Variants in MRRF observed in about 807,000 individuals in gnomAD.
MRRF encodes the protein mitochondrial ribosome recycling factor.
In MRRF, 18 loss-of-function variants were observed where a neutral mutation model predicts 25.1. The observed-to-expected ratio is 0.72, with a 90% confidence interval of 0.50 to 1.06. The LOEUF (loss-of-function observed/expected upper bound fraction) is 1.06, where lower values mean the gene tolerates loss of function less well. MRRF is among the 50% of genes least tolerant of loss of function. MRRF has a pLI of 0.00. For synonymous variants in MRRF, 113 were observed against 112.1 expected (o/e 1.01, Z -0.05); for missense variants, 323 against 319.3 (o/e 1.01, Z -0.09).
chr9:122,290,067 AAAAAAG>A (rs944367795), intron 4 of MRRF, among the ~76,000 whole-genome samples: 3 of 151,732 alleles, frequency 2.0e-5, no homozygotes, highest in Non-Finnish European at 2.9e-5. Context: ...AAAAAAAAAG[AAAAAAG>A]AAAAAGAAAA....
chr9:122,266,009 G>C (rs1403160749), intron 1 of MRRF, among the ~76,000 whole-genome samples: 1 of 152,230 alleles, frequency 6.6e-6, no homozygotes, highest in Non-Finnish European at 1.5e-5. Context: ...ACGCTGGGAA[G>C]CCCAGAACCT....
intron 1 of MRRF, among the ~76,000 whole-genome samples, chr9:122,267,819 TATAA>T (rs1473444509): frequency 1.3e-5 from 2 of 152,248 alleles, no homozygotes; most frequent in Non-Finnish European, 2.9e-5. Flanking sequence ...GTCATTGTTA[TATAA>T]ATGTTAGGTA....
chr9:122,319,232 G>A (rs1213390774), intron 6 of MRRF, among the ~76,000 whole-genome samples: 1 of 147,912 alleles, frequency 6.8e-6, no homozygotes, highest in Admixed American at 6.8e-5. Context: ...CTCAGTGCAA[G>A]CTCTGCCTCC....
chr9:122,267,386 A>G (rs1289946951), intron 1 of MRRF, among the ~76,000 whole-genome samples: 1 of 151,926 alleles, frequency 6.6e-6, no homozygotes, highest in Non-Finnish European at 1.5e-5. Flanking sequence ...GTCTCAAAAA[A>G]AAAAAAAAAA....
Position 122,264,940 on chromosome 9 carries a change from T to G in MRRF, c.-29+2T>G, listed in dbSNP as rs1005243303. Reference sequence around the variant, plus strand: ...CCTTAGTAACCTGGGCGATAGCTGGTGAGTGTCCTTGACAGGGCCTCGAGG... The same window carrying G: ...CCTTAGTAACCTGGGCGATAGCTGGGGAGTGTCCTTGACAGGGCCTCGAGG... On this transcript the variant is annotated splice_donor_variant, in intron 1 of 6. Coordinates refer to ENST00000344641, the MANE Select transcript of MRRF (RefSeq NM_138777.5). LOFTEE classifies it low-confidence loss of function (5UTR_SPLICE). The G allele has an allele frequency of 6.5e-6, 1 of 153,130 alleles. No homozygotes were observed. Among genetic ancestry groups the G allele is most frequent in the Non-Finnish European group, 1.5e-5 (1 of 68,126 alleles). 9.5% of individuals were successfully genotyped at this position (153,130 alleles called of 1,614,324 possible).
chr9:122,301,090 T>C (rs1834421976), intron 5 of MRRF, among the ~76,000 whole-genome samples: 1 of 152,190 alleles, frequency 6.6e-6, no homozygotes, highest in African/African-American at 2.4e-5. Context: ...GACTAGGCTC[T>C]TTCCCCCAGA....
At chr9:122,288,077 A>C (rs1320984403) in intron 4 of MRRF, among the ~76,000 whole-genome samples, 1 of 152,204 alleles carries the variant, frequency 6.6e-6, no homozygotes, top group East Asian at 1.9e-4. Flanking sequence ...GAATGCATTG[A>C]AGACAGAAAA....
intron 2 of MRRF, among the ~76,000 whole-genome samples, chr9:122,275,507 C>T (rs553206328): frequency 3.3e-5 from 5 of 152,182 alleles, no homozygotes; most frequent in South Asian, 2.1e-4. Flanking sequence ...TGGTGGCATG[C>T]GCCTGTAGTC....
At chr9:122,298,265 T>G (rs530537449) in intron 5 of MRRF, among the ~76,000 whole-genome samples, 1 of 152,348 alleles carries the variant, frequency 6.6e-6, no homozygotes, top group South Asian at 2.1e-4. Flanking sequence ...TAACCCAAAC[T>G]ATGTGGAACA....
intron 2 of MRRF, among the ~76,000 whole-genome samples, chr9:122,272,767 A>G (rs1832540707): frequency 6.6e-6 from 1 of 151,988 alleles, no homozygotes. Flanking sequence ...TCCTTTATTA[A>G]TTGTGTCTTC....
intron 6 of MRRF, among the ~76,000 whole-genome samples, chr9:122,315,297 G>A (rs539155075): frequency 6.6e-4 from 100 of 152,290 alleles, no homozygotes; most frequent in African/African-American, 2.3e-3. Flanking sequence ...CAGCTGGAAT[G>A]TATAGTTTTA....
chr9:122,288,471 G>T (rs1369031745), intron 4 of MRRF, among the ~76,000 whole-genome samples: 1 of 152,228 alleles, frequency 6.6e-6, no homozygotes, highest in African/African-American at 2.4e-5. Flanking sequence ...GGTTTACACT[G>T]TTGTGACAGA....
chr9:122,286,713 TTAAA>T (rs1292570224), intron 4 of MRRF, among the ~76,000 whole-genome samples: 5 of 152,106 alleles, frequency 3.3e-5, no homozygotes, highest in African/African-American at 1.2e-4. Flanking sequence ...ACCTTGTATC[TTAAA>T]TAAACAAGGA....
intron 1 of MRRF, chr9:122,265,413 C>G (rs1832005328): frequency 3.8e-6 from 1 of 265,240 alleles, no homozygotes; most frequent in African/African-American, 2.3e-5. Context: ...AGTAGCCCTT[C>G]TCCATTTACT....
intron 4 of MRRF, among the ~76,000 whole-genome samples, chr9:122,287,494 G>A (rs1296055960): frequency 6.6e-6 from 1 of 152,118 alleles, no homozygotes; most frequent in Non-Finnish European, 1.5e-5. Context: ...CGTAGGCACT[G>A]TGGGCCAATT....
At position 122,313,240 on chromosome 9, in the gene MRRF, C is replaced by G. The variant is rs895200895; in HGVS notation, c.565C>G (p.His189Asp). ...RVPIPQVTRE[H>D]REMLVKLAKQ... Reference sequence around the variant, plus strand: ...GTCTTTTATCAGAGTAACCAGAGAGCACAGAGAAATGCTGGTGAAACTGGC... The same window carrying G: ...GTCTTTTATCAGAGTAACCAGAGAGGACAGAGAAATGCTGGTGAAACTGGC... The change falls in exon 6 of 7, where the codon CAC becomes GAC. Residue 189 changes from histidine (H) to aspartate (D), a missense_variant. Transcript: ENST00000344641. 8 of 1,613,828 alleles carry G rather than the reference C, an allele frequency of 5.0e-6. No individual in the cohort carries two copies. The African/African-American group carries it at 9.3e-5, about 19-fold the overall frequency.
intron 5 of MRRF, among the ~76,000 whole-genome samples, chr9:122,298,495 G>C (rs1404569884): frequency 6.6e-6 from 1 of 152,184 alleles, no homozygotes; most frequent in Non-Finnish European, 1.5e-5. Context: ...AATCAACACA[G>C]AGTAGTTCAG....
intron 6 of MRRF, 44 bp downstream of exon 6, chr9:122,313,430 A>G (rs1442868607): frequency 6.2e-7 from 1 of 1,601,052 alleles, no homozygotes; most frequent in Non-Finnish European, 8.6e-7. Context: ...ATTCAGCATA[A>G]GGAATCATTT....
chr9:122,314,548 C>G (rs2118976349), intron 6 of MRRF, among the ~76,000 whole-genome samples: 1 of 152,324 alleles, frequency 6.6e-6, no homozygotes, highest in Non-Finnish European at 1.5e-5. Context: ...ATCCAGGTAT[C>G]TGGGGCCCCA....
Sources: gnomAD v4.1 joint callset for allele counts (sites outside exome capture counted in the v4.1 genomes callset) on GRCh38, gnomAD v4.1.1 for gene constraint, MANE v1.5 for transcripts, NCBI Gene and HGNC (gene_info 2026-07-23, HGNC 2026-07-21) for gene names.